The following ANO3 variants were observed in gnomAD, a reference collection of about 807,000 sequenced individuals.
ANO3 encodes anoctamin 3.
A neutral mutation model predicts 144.8 loss-of-function variants in ANO3; 99 were observed. That is an observed-to-expected ratio of 0.68 (90% CI 0.58 to 0.81). The LOEUF (loss-of-function observed/expected upper bound fraction) is 0.81, where lower values mean the gene tolerates loss of function less well. Among genes scored for constraint, ANO3 ranks in the 30% least tolerant of loss-of-function variants. The probability of loss-of-function intolerance (pLI) is 0.00; values close to 1 mark genes in which losing one functional copy is unlikely to be tolerated. For synonymous variants in ANO3, 414 were observed against 392.6 expected (o/e 1.05, Z -0.64); for missense variants, 905 against 1,202.2 (o/e 0.75, Z 3.66).
At chr11:26,476,349 A>C (rs1859968478) in intron 4 of ANO3, among the ~76,000 whole-genome samples, 1 of 152,094 alleles carries the variant, frequency 6.6e-6, no homozygotes. Flanking sequence ...TAAGAGCAAG[A>C]AATGAAAGAT....
At chr11:26,479,250 A>C (rs2134084741) in intron 4 of ANO3, among the ~76,000 whole-genome samples, 1 of 152,318 alleles carries the variant, frequency 6.6e-6, no homozygotes, top group South Asian at 2.1e-4. Context: ...GGTTCAAATT[A>C]GATTTCTGTC....
chr11:26,542,236 G>C (rs1370982735), intron 11 of ANO3, among the ~76,000 whole-genome samples, 168 bp downstream of exon 11: 2 of 152,110 alleles, frequency 1.3e-5, no homozygotes, highest in Non-Finnish European at 2.9e-5. Context: ...GGTTATACAG[G>C]GGATGGGAGA....
At chr11:26,298,298 G>A (rs865971310) in intron 1 of ANO3, among the ~76,000 whole-genome samples, 1 of 152,108 alleles carries the variant, frequency 6.6e-6, no homozygotes, top group Non-Finnish European at 1.5e-5. Context: ...CACATACCAG[G>A]TGATAGGAGA....
chr11:26,658,038 C>G (rs943300618), intron 26 of ANO3, among the ~76,000 whole-genome samples: 4 of 152,082 alleles, frequency 2.6e-5, no homozygotes, highest in Admixed American at 6.6e-5. Flanking sequence ...AAAAAAATCT[C>G]TGCCCAGGTC....
At chr11:26,565,522 T>A in intron 14 of ANO3, 1 of 1,613,300 alleles carries the variant, frequency 6.2e-7, no homozygotes, top group Non-Finnish European at 8.5e-7. Context: ...AAGCTATGGA[T>A]CAAGGGAGGG....
intron 3 of ANO3, among the ~76,000 whole-genome samples, chr11:26,448,443 G>C (rs932564138): frequency 6.6e-6 from 1 of 152,124 alleles, no homozygotes; most frequent in Non-Finnish European, 1.5e-5. Context: ...CTCAGGAATG[G>C]GTTCATATTA....
intron 14 of ANO3, among the ~76,000 whole-genome samples, chr11:26,566,761 T>C (rs888816392): frequency 6.6e-6 from 1 of 151,466 alleles, no homozygotes; most frequent in East Asian, 1.9e-4. Flanking sequence ...TAGGGTGATA[T>C]AGGAAAATGT....
At chr11:26,454,339 T>C (rs1176366870) in intron 3 of ANO3, among the ~76,000 whole-genome samples, 10 of 151,520 alleles carry the variant, frequency 6.6e-5, no homozygotes, top group East Asian at 1.9e-4. Context: ...GCAAGACTAA[T>C]AAAGAAGAAA....
upstream of ANO3, among the ~76,000 whole-genome samples, chr11:26,306,226 G>A (rs1000949857): frequency 2.0e-5 from 3 of 150,400 alleles, no homozygotes; most frequent in East Asian, 3.9e-4. Context: ...AGCCCGCCTC[G>A]GCCTCCCAAA....
At chr11:26,586,562 G>A (rs1463051645) in intron 14 of ANO3, among the ~76,000 whole-genome samples, 2 of 130,626 alleles carry the variant, frequency 1.5e-5, no homozygotes, top group Non-Finnish European at 3.2e-5. Context: ...GAGTGCAGTG[G>A]CGCGATCTCG....
chr11:26,561,368 T>C (rs1227286613), intron 14 of ANO3: 1 of 631,546 alleles, frequency 1.6e-6, no homozygotes, highest in Non-Finnish European at 2.5e-6. Context: ...GTTTTAAAAT[T>C]TTAAATAAGT....
chr11:26,212,463 T>C (rs1851954167), intron 1 of ANO3, among the ~76,000 whole-genome samples: 1 of 151,826 alleles, frequency 6.6e-6, no homozygotes. Flanking sequence ...TCACCACTGA[T>C]ACCATTGAAA....
At chr11:26,554,776 TAC>T (rs1850037939) in intron 13 of ANO3, among the ~76,000 whole-genome samples, 1 of 152,138 alleles carries the variant, frequency 6.6e-6, no homozygotes. Flanking sequence ...TATTCTTCTC[TAC>T]ACCCTGGGAA....
At chr11:26,469,176 G>C (rs1257079726) in intron 4 of ANO3, among the ~76,000 whole-genome samples, 1 of 151,840 alleles carries the variant, frequency 6.6e-6, no homozygotes, top group Non-Finnish European at 1.5e-5. Context: ...TACTTAGTTT[G>C]ACCCTCGGAA....
chr11:26,378,899 T>TC (rs1282873076), intron 1 of ANO3, among the ~76,000 whole-genome samples: 3 of 151,676 alleles, frequency 2.0e-5, no homozygotes, highest in Non-Finnish European at 4.4e-5. Context: ...GCTAAGTTTT[T>TC]TTTTAAGATT....
intron 3 of ANO3, among the ~76,000 whole-genome samples, chr11:26,451,367 G>C (rs1015278532): frequency 1.3e-5 from 2 of 152,156 alleles, no homozygotes; most frequent in African/African-American, 2.4e-5. Flanking sequence ...CTGGAAAATC[G>C]GGTCACTCCC....
chr11:26,544,749 A>G (rs1355408494), intron 11 of ANO3, among the ~76,000 whole-genome samples: 1 of 151,998 alleles, frequency 6.6e-6, no homozygotes, highest in Non-Finnish European at 1.5e-5. Flanking sequence ...ATAAGTTCTC[A>G]TCTATAGAAG....
In ANO3 at chr11:26,662,908, T is replaced by C. The variant is rs17309307; in HGVS notation, c.*2464T>C. ...ATGGTTTTTATATGAATACAAATTATTTCTCAAAGATTTATAGCACACACT... is the reference window on the plus strand; with the variant it reads ...ATGGTTTTTATATGAATACAAATTACTTCTCAAAGATTTATAGCACACACT... On this transcript the variant is annotated 3_prime_UTR_variant, in exon 27 of 27. Coordinates refer to ENST00000256737, the MANE Select transcript of ANO3 (RefSeq NM_031418.4). The C allele has an allele frequency of 0.031, 4,754 of 152,584 alleles. 104 individuals are homozygous for C. Among genetic ancestry groups the C allele is most frequent in the Non-Finnish European group, 0.049 (3,346 of 67,976 alleles). The allele number at this position is 152,584 out of a possible 1,614,324, so 9.5% of individuals were successfully genotyped here. A position where few individuals can be genotyped will look rare whatever the true frequency, so the allele number is the denominator to read the frequency against.
chr11:26,624,629 A>AG (rs1369001153), intron 18 of ANO3, 131 bp downstream of exon 18: 1 of 657,818 alleles, frequency 1.5e-6, no homozygotes, highest in Non-Finnish European at 2.6e-6. Context: ...TAAAAAGGAG[A>AG]GGGGTAGTAT....
Sources: gnomAD v4.1 joint callset for allele counts (sites outside exome capture counted in the v4.1 genomes callset) on GRCh38, gnomAD v4.1.1 for gene constraint, MANE v1.5 for transcripts, NCBI Gene and HGNC (gene_info 2026-07-23, HGNC 2026-07-21) for gene names.